The following SLC39A12 variants were observed in gnomAD, a reference collection of about 807,000 sequenced individuals.
SLC39A12 encodes the protein zinc transporter ZIP12.
Under a neutral mutation model 71.1 loss-of-function variants are expected in SLC39A12, and 63 were observed. The observed-to-expected ratio is 0.89, with a 90% CI of 0.72 to 1.09. The LOEUF is 1.09. Ranked by LOEUF, SLC39A12 falls within the 50% of genes least tolerant of loss-of-function variation. The probability of loss-of-function intolerance (pLI) is 0.00; values close to 1 mark genes in which losing one functional copy is unlikely to be tolerated. For synonymous variants in SLC39A12, 351 were observed against 301.3 expected, an observed-to-expected ratio of 1.16 and a Z score of -1.71; for missense variants, 892 against 812.6, an observed-to-expected ratio of 1.10 and a Z score of -1.19.
chr10:17,974,085 ATATTT>A (rs1354918592), intron 4 of SLC39A12, among the ~76,000 whole-genome samples: 2 of 151,458 alleles, frequency 1.3e-5, no homozygotes, highest in African/African-American at 4.8e-5. Flanking sequence ...ATATTTTAAA[ATATTT>A]TATTTTTAAT....
At chr10:18,036,792 A>ATTTTTTTT (rs1176352939) in intron 12 of SLC39A12, among the ~76,000 whole-genome samples, 4 of 84,620 alleles carry the variant, frequency 4.7e-5, no homozygotes, top group African/African-American at 1.9e-4. Context: ...ATATATATAT[A>ATTTTTTTT]TATTTTTTTT....
At chr10:18,007,470 AC>A in intron 12 of SLC39A12, among the ~76,000 whole-genome samples, 1 of 152,216 alleles carries the variant, frequency 6.6e-6, no homozygotes, top group African/African-American at 2.4e-5. Context: ...CCTAATCCAG[AC>A]CCCAAGAGAG....
chr10:18,003,617 T>A (rs943334), intron 12 of SLC39A12, among the ~76,000 whole-genome samples: 108,677 of 152,064 alleles, frequency 0.71, 39,886 homozygotes, highest in African/African-American at 0.9. Context: ...AAGACTTTTT[T>A]CTTTTAGTGA....
chr10:17,954,090 C>T, intron 2 of SLC39A12, among the ~76,000 whole-genome samples: 1 of 152,068 alleles, frequency 6.6e-6, no homozygotes, highest in East Asian at 1.9e-4. Flanking sequence ...GCTCCTGAGG[C>T]CTGAGTCACA....
chr10:17,963,884 C>A (rs2130782632), intron 3 of SLC39A12, among the ~76,000 whole-genome samples: 1 of 152,302 alleles, frequency 6.6e-6, no homozygotes, highest in Non-Finnish European at 1.5e-5. Flanking sequence ...CTAATCCAGG[C>A]AAGCTCCCTA....
intron 4 of SLC39A12, among the ~76,000 whole-genome samples, chr10:17,975,276 G>C (rs74118062): frequency 0.022 from 3,416 of 152,178 alleles, 117 homozygotes; most frequent in African/African-American, 0.074. Flanking sequence ...TGTGGCTAAG[G>C]TGATACCTGA....
At chr10:17,988,055 C>T (rs1032369909) in intron 7 of SLC39A12, among the ~76,000 whole-genome samples, 11 of 152,110 alleles carry the variant, frequency 7.2e-5, no homozygotes, top group Non-Finnish European at 1.6e-4. Context: ...CACCGGTAGT[C>T]CCAGCACTTT....
chr10:18,034,328 G>A (rs1391504632), intron 12 of SLC39A12, among the ~76,000 whole-genome samples: 1 of 151,308 alleles, frequency 6.6e-6, no homozygotes, highest in Non-Finnish European at 1.5e-5. Context: ...TATGAATCTG[G>A]GTGCTCCTGT....
chr10:17,955,547 TGA>T (rs1163849179), intron 2 of SLC39A12, among the ~76,000 whole-genome samples: 8 of 152,238 alleles, frequency 5.3e-5, no homozygotes, highest in Non-Finnish European at 1.0e-4. Flanking sequence ...TTCTGTCATC[TGA>T]GGGACTTTGT....
intron 6 of SLC39A12, among the ~76,000 whole-genome samples, chr10:17,985,133 AG>A (rs1255419918): frequency 6.6e-6 from 1 of 152,142 alleles, no homozygotes; most frequent in Non-Finnish European, 1.5e-5. Context: ...ATTTGAGGTC[AG>A]GAGTTCGAGA....
intron 10 of SLC39A12, among the ~76,000 whole-genome samples, chr10:18,000,187 A>G (rs1306039131): frequency 6.6e-6 from 1 of 152,184 alleles, no homozygotes; most frequent in Non-Finnish European, 1.5e-5. Flanking sequence ...CATCTCTTTT[A>G]TAAGGGTATT....
At chr10:18,003,480 C>A in intron 12 of SLC39A12, 122 bp downstream of exon 12, 3 of 894,794 alleles carry the variant, frequency 3.4e-6, no homozygotes, top group South Asian at 4.2e-5. Context: ...ACAATATAAA[C>A]CATTAAGGAA....
chr10:18,010,883 C>T (rs1488722352), intron 12 of SLC39A12, among the ~76,000 whole-genome samples: 1 of 152,180 alleles, frequency 6.6e-6, no homozygotes, highest in Non-Finnish European at 1.5e-5. Flanking sequence ...AACCGTTCCT[C>T]CTCCTCCTCC....
chr10:18,028,453 T>A (rs1056630088), intron 12 of SLC39A12, among the ~76,000 whole-genome samples: 1 of 152,202 alleles, frequency 6.6e-6, no homozygotes, highest in African/African-American at 2.4e-5. Context: ...AAGTGGACAG[T>A]AAATGCTTTG....
chr10:17,965,083 T>C (rs1481278047), intron 3 of SLC39A12, among the ~76,000 whole-genome samples: 1 of 152,132 alleles, frequency 6.6e-6, no homozygotes, highest in Non-Finnish European at 1.5e-5. Context: ...GGCAGGCACC[T>C]GTAATCCCAG....
chr10:18,009,295 C>T (rs555969183), intron 12 of SLC39A12, among the ~76,000 whole-genome samples: 11 of 151,980 alleles, frequency 7.2e-5, no homozygotes, highest in Non-Finnish European at 8.8e-5. Context: ...ATTAATAGAA[C>T]CCAAGCTGAT....
At chr10:17,986,434 A>G (rs1198251686) in intron 6 of SLC39A12, among the ~76,000 whole-genome samples, 1 of 152,198 alleles carries the variant, frequency 6.6e-6, no homozygotes, top group Non-Finnish European at 1.5e-5. Flanking sequence ...AGATCAAGGC[A>G]TCAGCAGATT....
chr10:18,009,965 A>G (rs1370352765), intron 12 of SLC39A12, among the ~76,000 whole-genome samples: 2 of 152,218 alleles, frequency 1.3e-5, no homozygotes, highest in Non-Finnish European at 2.9e-5. Flanking sequence ...AAAAAACATT[A>G]ATTGAGTGAC....
intron 12 of SLC39A12, among the ~76,000 whole-genome samples, chr10:18,023,751 G>C (rs190759588): frequency 5.9e-5 from 9 of 152,306 alleles, no homozygotes; most frequent in African/African-American, 2.2e-4. Flanking sequence ...TTCCTCTGTA[G>C]CAGCATGGCT....
Sources: allele counts gnomAD v4.1 joint callset (sites outside exome capture counted in the v4.1 genomes callset), GRCh38; gene constraint gnomAD v4.1.1; transcripts MANE v1.5; gene names NCBI Gene and HGNC (gene_info 2026-07-23, HGNC 2026-07-21).